Variants in FSIP1 observed in about 807,000 individuals in gnomAD.
The protein encoded by FSIP1 is fibrous sheath interacting protein 1.
Under a neutral mutation model 60.9 loss-of-function variants are expected in FSIP1, and 65 were observed. The observed-to-expected ratio is 1.07, with a 90% CI of 0.87 to 1.31. The LOEUF (loss-of-function observed/expected upper bound fraction) is 1.31, where lower values mean the gene tolerates loss of function less well. Ranked by LOEUF, FSIP1 falls within the 40% of genes most tolerant of loss-of-function variation. FSIP1 has a pLI of 0.00. For synonymous variants in FSIP1, 209 were observed against 221.2 expected (o/e 0.94, Z 0.49); for missense variants, 675 against 665.5 (o/e 1.01, Z -0.16).
Position 39,713,465 on chromosome 15 carries a change from C to T in FSIP1, c.1167G>A (p.Leu389=). 1 of 1,593,208 alleles carries T rather than the reference C, an allele frequency of 6.3e-7. No homozygotes were observed. Residue 389 remains leucine, a synonymous_variant, in exon 10 of 12, where the codon CTG becomes CTA. Transcript: ENST00000350221. ...TTACCACATTTTCCTTCATCATTTT[C>T]AGCTTTTCATCAATCTCTCTCAGCC... ...HNRLREIDEK[L]KMMKENVLES...
intron 10 of FSIP1, among the ~76,000 whole-genome samples, chr15:39,680,539 T>C (rs1474154158): frequency 6.6e-6 from 1 of 152,212 alleles, no homozygotes; most frequent in African/African-American, 2.4e-5. Flanking sequence ...TCAGTCATGA[T>C]CTTTGCCCTA....
At chr15:39,681,146 C>T (rs535745575) in intron 10 of FSIP1, among the ~76,000 whole-genome samples, 5 of 152,218 alleles carry the variant, frequency 3.3e-5, no homozygotes, top group Admixed American at 3.3e-4. Context: ...AAAATTGCAT[C>T]ATAGCACAGA....
Position 39,750,066 on chromosome 15 carries a change from CA to C in FSIP1, c.560-8167del, listed in dbSNP as rs764342977. ...AAAACAATCTCATTTATGATAGCAT[CA>C]AAAAAATCAAATAAAGTACTCAGGA... is the stretch of plus-strand genomic sequence containing the variant. On this transcript the variant is annotated intron_variant, in intron 5 of 11. Coordinates refer to ENST00000350221, the MANE Select transcript of FSIP1 (RefSeq NM_152597.5). Among the ~76,000 whole-genome samples, 16 of 151,654 alleles carry C rather than the reference CA, an allele frequency of 1.1e-4. No individual in the cohort carries two copies. The East Asian group carries it at 2.1e-3, about 20-fold the overall frequency.
chr15:39,775,696 C>T (rs968576704), intron 2 of FSIP1, among the ~76,000 whole-genome samples: 1 of 152,116 alleles, frequency 6.6e-6, no homozygotes, highest in Non-Finnish European at 1.5e-5. Flanking sequence ...AAGTGTGTAG[C>T]ACCTCCTCCT....
chr15:39,736,649 C>T (rs1020554212), intron 8 of FSIP1, among the ~76,000 whole-genome samples: 1 of 152,194 alleles, frequency 6.6e-6, no homozygotes, highest in Non-Finnish European at 1.5e-5. Context: ...ACATGCACTG[C>T]TTTTAGACTT....
intron 10 of FSIP1, among the ~76,000 whole-genome samples, chr15:39,669,995 G>A (rs561754548): frequency 2.6e-5 from 4 of 152,270 alleles, no homozygotes; most frequent in East Asian, 3.9e-4. Flanking sequence ...CCGGAAACTG[G>A]AAATTAATAT....
At chr15:39,764,039 T>G in intron 4 of FSIP1, 125 bp from the exon 5 acceptor site, 1 of 588,920 alleles carries the variant, frequency 1.7e-6, no homozygotes, top group Non-Finnish European at 3.1e-6. Flanking sequence ...CTATTTTTTT[T>G]TTTGAGGAAA....
chr15:39,748,193 T>C (rs1019890124), intron 5 of FSIP1, among the ~76,000 whole-genome samples: 1 of 152,212 alleles, frequency 6.6e-6, no homozygotes, highest in Non-Finnish European at 1.5e-5. Flanking sequence ...TCACAAATAA[T>C]ACGCATTTTC....
At chr15:39,672,706 C>T (rs181182340) in intron 10 of FSIP1, among the ~76,000 whole-genome samples, 12 of 152,250 alleles carry the variant, frequency 7.9e-5, no homozygotes, top group African/African-American at 2.9e-4. Context: ...AGATAACTCA[C>T]GGTAGTTATT....
At chr15:39,695,347 C>T (rs1394870942) in intron 10 of FSIP1, among the ~76,000 whole-genome samples, 2 of 151,654 alleles carry the variant, frequency 1.3e-5, no homozygotes, top group Non-Finnish European at 2.9e-5. Flanking sequence ...CTGCTTGCCT[C>T]ACTCTGCTCC....
chr15:39,728,101 T>C (rs116376392), intron 8 of FSIP1, among the ~76,000 whole-genome samples: 2,207 of 151,956 alleles, frequency 0.015, 49 homozygotes, highest in African/African-American at 0.051. Context: ...ACCTCTACAA[T>C]GAGAATTAAA....
chr15:39,599,647 C>T (rs1015662114), downstream of FSIP1, among the ~76,000 whole-genome samples: 9 of 151,984 alleles, frequency 5.9e-5, no homozygotes, highest in African/African-American at 2.2e-4. Flanking sequence ...AACACTGGCC[C>T]CTCTCTGCCC....
chr15:39,712,246 T>C (rs1478937160), intron 10 of FSIP1, among the ~76,000 whole-genome samples: 1 of 152,152 alleles, frequency 6.6e-6, no homozygotes, highest in African/African-American at 2.4e-5. Context: ...TCAGCTGGGC[T>C]TGATTACAAG....
chr15:39,614,832 T>A (rs780216967), intron 11 of FSIP1, among the ~76,000 whole-genome samples: 1 of 152,106 alleles, frequency 6.6e-6, no homozygotes. Flanking sequence ...AGACCCTGAA[T>A]AGCCAAAGAA....
intron 11 of FSIP1, among the ~76,000 whole-genome samples, chr15:39,604,093 G>A (rs938382761): frequency 2.6e-5 from 4 of 152,164 alleles, no homozygotes; most frequent in Non-Finnish European, 5.9e-5. Context: ...CACCATACCC[G>A]GCTAATTTTG....
intron 10 of FSIP1, among the ~76,000 whole-genome samples, chr15:39,622,460 G>A (rs929713518): frequency 1.3e-5 from 2 of 152,102 alleles, no homozygotes; most frequent in African/African-American, 4.8e-5. Context: ...ATCAGGAAAA[G>A]AATAGAATAC....
Position 39,776,541 on chromosome 15 carries a change from CA to C in FSIP1, c.-7-11del. The C allele has an allele frequency of 7.2e-7, 1 of 1,397,044 alleles. No individual in the cohort carries two copies. The highest frequency in any genetic ancestry group is 9.9e-7 in the Non-Finnish European group (1 of 1,012,216). 86.5% of individuals were successfully genotyped at this position (1,397,044 alleles called of 1,614,324 possible). ...AATATCCATTGAAATCCTGAAACAACAAATAAAATATTTAATACCAAGCGAC... is the reference window on the plus strand; with the variant it reads ...AATATCCATTGAAATCCTGAAACAACAATAAAATATTTAATACCAAGCGAC... On this transcript the variant is annotated splice_polypyrimidine_tract_variant and intron_variant, in intron 1 of 11. Transcript: ENST00000350221.
chr15:39,715,930 G>T (rs928953356), intron 9 of FSIP1, among the ~76,000 whole-genome samples: 1 of 152,118 alleles, frequency 6.6e-6, no homozygotes, highest in Non-Finnish European at 1.5e-5. Flanking sequence ...TGCCATGATT[G>T]TAAGTTTCCT....
intron 10 of FSIP1, among the ~76,000 whole-genome samples, chr15:39,672,415 C>G (rs909922891): frequency 1.3e-5 from 2 of 152,214 alleles, no homozygotes; most frequent in African/African-American, 4.8e-5. Context: ...TTGACTGTCT[C>G]TCCCTTCTCT....
Sources: gnomAD v4.1 joint callset for allele counts (sites outside exome capture counted in the v4.1 genomes callset) on GRCh38, gnomAD v4.1.1 for gene constraint, MANE v1.5 for transcripts, NCBI Gene and HGNC (gene_info 2026-07-23, HGNC 2026-07-21) for gene names.